Variants in PLA2G4E observed in about 807,000 individuals in gnomAD.
The protein encoded by PLA2G4E is cytosolic phospholipase A2 epsilon.
PLA2G4E carries 84 observed loss-of-function variants against 109.1 expected under a neutral mutation model. The ratio of observed to expected loss-of-function variants is 0.77; its 90% CI spans 0.65 to 0.92. PLA2G4E has a LOEUF of 0.92. PLA2G4E is among the 40% of genes least tolerant of loss of function. The pLI is 0.00. For missense variants in PLA2G4E, 1,057 were observed against 1,076.6 expected (o/e 0.98, Z 0.25); for synonymous variants, 469 against 436.1 (o/e 1.08, Z -0.94).
intron 14 of PLA2G4E, 99 bp downstream of exon 14, chr15:41,990,022 G>T: frequency 1.1e-6 from 1 of 889,274 alleles, no homozygotes; most frequent in Non-Finnish European, 1.8e-6. Context: ...GGTTGACAAA[G>T]ATGAGTGGGA....
intron 1 of PLA2G4E, among the ~76,000 whole-genome samples, chr15:42,046,979 C>A (rs1339587192): frequency 6.6e-6 from 1 of 152,170 alleles, no homozygotes; most frequent in Non-Finnish European, 1.5e-5. Flanking sequence ...AAGAGGAAGG[C>A]CTGATCCATA....
intron 1 of PLA2G4E, among the ~76,000 whole-genome samples, chr15:42,019,925 G>T (rs2068632466): frequency 1.3e-5 from 2 of 152,206 alleles, no homozygotes; most frequent in Non-Finnish European, 2.9e-5. Flanking sequence ...TGCCCCCTTT[G>T]AGGTAAACTC....
chr15:42,029,003 T>A (rs926870691), intron 1 of PLA2G4E, among the ~76,000 whole-genome samples: 1 of 152,220 alleles, frequency 6.6e-6, no homozygotes, highest in African/African-American at 2.4e-5. Context: ...AATGTTTGTA[T>A]TCTTAGTGTC....
At chr15:42,019,357 G>A (rs2068626166) in intron 1 of PLA2G4E, among the ~76,000 whole-genome samples, 1 of 152,218 alleles carries the variant, frequency 6.6e-6, no homozygotes, top group Non-Finnish European at 1.5e-5. Context: ...GCTCCTGGGT[G>A]GGAGTGGGGT....
chr15:41,989,395 G>A lies in PLA2G4E; in HGVS notation c.1723+20C>T, dbSNP rs772472776. ...CTGGGCAGCAGCCCCCTGTCATTCC[G>A]CCAGTTGCAAGGCAGTCACCTAGCA... On this transcript the variant is annotated intron_variant, in intron 15 of 19. Transcript: ENST00000399518. 3.7e-6 allele frequency: 6 copies of A among 1,613,452 alleles called. No homozygotes were observed. The highest frequency in any genetic ancestry group is 2.7e-5 in the African/African-American group (2 of 74,946).
exon 1 of PLA2G4E, chr15:42,050,672 C>A (rs1889491168): frequency 6.4e-7 from 1 of 1,550,402 alleles, no homozygotes; most frequent in Non-Finnish European, 8.7e-7. Flanking sequence ...AGTTCCCAGG[C>A]CAGGACAGCC....
At chr15:41,990,361 A>G in intron 13 of PLA2G4E, 126 bp from the exon 14 acceptor site, 2 of 816,432 alleles carry the variant, frequency 2.4e-6, no homozygotes, top group East Asian at 2.5e-5. Flanking sequence ...GGGCTGCTGT[A>G]TCGGCCCCAG....
intron 1 of PLA2G4E, among the ~76,000 whole-genome samples, chr15:42,037,265 G>A (rs1889234156): frequency 6.6e-6 from 1 of 152,228 alleles, no homozygotes; most frequent in South Asian, 2.1e-4. Flanking sequence ...ATCAGAATGG[G>A]AACTTGTGGT....
intron 19 of PLA2G4E, 81 bp downstream of exon 19, chr15:41,984,354 GC>G: frequency 1.4e-6 from 2 of 1,408,104 alleles, no homozygotes; most frequent in Non-Finnish European, 1.9e-6. Flanking sequence ...CCCCGTTAGT[GC>G]CCTTAGAGAC....
At chr15:42,039,527 G>C (rs1410868348) in intron 1 of PLA2G4E, among the ~76,000 whole-genome samples, 1 of 146,930 alleles carries the variant, frequency 6.8e-6, no homozygotes, top group African/African-American at 2.5e-5. Context: ...ACATACATAT[G>C]TATGTGTACG....
At chr15:41,988,826 G>A (rs2068192671) in intron 15 of PLA2G4E, among the ~76,000 whole-genome samples, 1 of 152,230 alleles carries the variant, frequency 6.6e-6, no homozygotes, top group Non-Finnish European at 1.5e-5. Context: ...ATGGGACTGA[G>A]TTGGATCTTG....
intron 1 of PLA2G4E, among the ~76,000 whole-genome samples, chr15:42,023,008 A>G (rs932871450): frequency 6.6e-6 from 1 of 152,068 alleles, no homozygotes; most frequent in African/African-American, 2.4e-5. Context: ...CACTAGGAGG[A>G]AGAGAGAGGC....
chr15:42,007,768 C>A (rs1446612316), exon 3 of PLA2G4E: 1 of 1,612,730 alleles, frequency 6.2e-7, no homozygotes. Context: ...AGCTTTCATT[C>A]CACTCTGGAT....
chr15:42,046,194 G>A lies in PLA2G4E; in HGVS notation c.183+4327C>T, dbSNP rs1385277817. Among the ~76,000 whole-genome samples the A allele has an allele frequency of 3.3e-5, 5 of 152,168 alleles. No individual in the cohort carries two copies. In the East Asian group the frequency reaches 7.7e-4, roughly 23 times the overall value. Reference sequence around the variant, plus strand: ...CCCGCACTTCCCCTCTGGCCCCCAGGAAATCCATGCTCCACAAAACAGACA... The same window carrying A: ...CCCGCACTTCCCCTCTGGCCCCCAGAAAATCCATGCTCCACAAAACAGACA... On this transcript the variant is annotated intron_variant, in intron 1 of 19. Transcript: ENST00000399518.
intron 17 of PLA2G4E, 58 bp downstream of exon 17, chr15:41,987,114 T>C (rs1009736436): frequency 2.6e-6 from 4 of 1,525,096 alleles, no homozygotes; most frequent in Middle Eastern, 3.4e-4. Flanking sequence ...AGCCTTGACA[T>C]CCACATCTTC....
At chr15:42,039,970 A>T (rs1365129294) in intron 1 of PLA2G4E, among the ~76,000 whole-genome samples, 1 of 152,234 alleles carries the variant, frequency 6.6e-6, no homozygotes, top group Non-Finnish European at 1.5e-5. Context: ...AAAATGAAAA[A>T]ATGTTCAGTG....
At chr15:42,040,331 G>T (rs192541148) in intron 1 of PLA2G4E, among the ~76,000 whole-genome samples, 1 of 152,058 alleles carries the variant, frequency 6.6e-6, no homozygotes, top group African/African-American at 2.4e-5. Flanking sequence ...GGAAGGACAG[G>T]TTATTTGATA....
exon 15 of PLA2G4E, chr15:41,989,454 C>G (rs1215316530): frequency 1.9e-6 from 3 of 1,614,022 alleles, no homozygotes; most frequent in Non-Finnish European, 2.5e-6. Context: ...ATCCTCTTCA[C>G]CAGCCGCCCC....
In PLA2G4E at chr15:42,028,367, T is replaced by TTTTA. The variant is rs1213017317; in HGVS notation, c.184-14614_184-14611dup. On this transcript the variant is annotated intron_variant, in intron 1 of 19. Transcript: ENST00000399518. ...ACTGAGATTCTGTACTGCGTTTTTA[T>TTTTA]TTTATTTATTTATTTACTTATTTAT... Among the ~76,000 whole-genome samples the TTTTA allele has an allele frequency of 5.9e-5, 7 of 118,854 alleles. No homozygotes were observed. In the East Asian group the frequency reaches 1.1e-3, roughly 19 times the overall value. 78.0% of individuals were successfully genotyped at this position (118,854 alleles called of 152,430 possible).
Sources: gnomAD v4.1 joint callset for allele counts (sites outside exome capture counted in the v4.1 genomes callset) on GRCh38, gnomAD v4.1.1 for gene constraint, MANE v1.5 for transcripts, NCBI Gene and HGNC (gene_info 2026-07-23, HGNC 2026-07-21) for gene names.